Variants in CILK1 observed in about 807,000 individuals in gnomAD.
The protein encoded by CILK1 is ciliogenesis associated kinase 1, also known as serine/threonine-protein kinase ICK.
CILK1 carries 47 observed loss-of-function variants against 79.2 expected under a neutral mutation model. The ratio of observed to expected loss-of-function variants is 0.59; its 90% CI spans 0.47 to 0.76. The LOEUF is 0.76. CILK1 is among the 30% of genes least tolerant of loss of function. The probability of loss-of-function intolerance (pLI) is 0.00; values close to 1 mark genes in which losing one functional copy is unlikely to be tolerated. For synonymous variants in CILK1, 266 were observed against 275.9 expected, an observed-to-expected ratio of 0.96 and a Z score of 0.36; for missense variants, 660 against 769.5, an observed-to-expected ratio of 0.86 and a Z score of 1.68.
chr6:53,046,759 C>T (rs1328718510), intron 1 of CILK1, among the ~76,000 whole-genome samples: 3 of 152,156 alleles, frequency 2.0e-5, no homozygotes, highest in East Asian at 3.8e-4. Context: ...ATGGATAAGG[C>T]TAGGGTCTCT....
chr6:53,038,183 A>G (rs1766478834), intron 2 of CILK1, among the ~76,000 whole-genome samples, 190 bp from the exon 3 acceptor site: 1 of 152,186 alleles, frequency 6.6e-6, no homozygotes, highest in Non-Finnish European at 1.5e-5. Flanking sequence ...TAAGTCACAA[A>G]TTTTGCCAGT....
intron 5 of CILK1, among the ~76,000 whole-genome samples, chr6:53,029,962 G>A (rs138536514): frequency 4.1e-4 from 63 of 152,248 alleles, no homozygotes; most frequent in African/African-American, 1.5e-3. Context: ...CGTCCATCTG[G>A]TGGCTCTGTG....
intron 2 of CILK1, among the ~76,000 whole-genome samples, chr6:53,038,501 C>T (rs897256876): frequency 2.0e-5 from 3 of 152,156 alleles, no homozygotes; most frequent in Admixed American, 1.3e-4. Flanking sequence ...GAGTTCTAGA[C>T]CCTCTAGTGC....
At chr6:53,031,596 C>T (rs894069872) in intron 4 of CILK1, among the ~76,000 whole-genome samples, 3 of 152,182 alleles carry the variant, frequency 2.0e-5, no homozygotes, top group African/African-American at 7.2e-5. Flanking sequence ...ATACGGTTCA[C>T]CTTTGAAGTT....
At chr6:53,013,567 C>T in intron 9 of CILK1, 95 bp downstream of exon 9, 2 of 1,167,282 alleles carry the variant, frequency 1.7e-6, no homozygotes, top group Non-Finnish European at 2.6e-6. Flanking sequence ...CATAACTGGA[C>T]CCTGTATACT....
chr6:53,050,141 G>A (rs1422241498), intron 1 of CILK1, among the ~76,000 whole-genome samples: 1 of 152,086 alleles, frequency 6.6e-6, no homozygotes. Flanking sequence ...CAGAGTCAGT[G>A]CTTCAAAGAA....
chr6:53,008,533 T>C (rs1443649126), intron 12 of CILK1, among the ~76,000 whole-genome samples: 2 of 151,924 alleles, frequency 1.3e-5, no homozygotes, highest in Non-Finnish European at 2.9e-5. Flanking sequence ...TCAAGTGATA[T>C]CCTGCCTCAG....
intron 1 of CILK1, chr6:53,052,092 C>T (rs963456372): frequency 6.6e-6 from 1 of 152,120 alleles, no homozygotes. Context: ...GTGTTGTTCC[C>T]CTCCCTGTGT....
intron 1 of CILK1, among the ~76,000 whole-genome samples, chr6:53,060,082 A>T (rs1288219280): frequency 1.3e-5 from 2 of 152,274 alleles, no homozygotes; most frequent in Non-Finnish European, 2.9e-5. Flanking sequence ...CAATGTTTCA[A>T]GATTAACATA....
intron 2 of CILK1, among the ~76,000 whole-genome samples, chr6:53,040,405 A>C (rs1766622289): frequency 6.6e-6 from 1 of 152,268 alleles, no homozygotes; most frequent in African/African-American, 2.4e-5. Flanking sequence ...TTAGATGCCC[A>C]CATGGCAAGG....
intron 2 of CILK1, among the ~76,000 whole-genome samples, 195 bp downstream of exon 2, chr6:53,040,941 T>C (rs947667377): frequency 3.9e-5 from 6 of 152,196 alleles, no homozygotes; most frequent in Non-Finnish European, 5.9e-5. Context: ...ATGTGCAAAG[T>C]AGTAAATCTA....
chr6:53,056,050 G>A (rs373610482), intron 1 of CILK1, among the ~76,000 whole-genome samples: 1 of 152,128 alleles, frequency 6.6e-6, no homozygotes, highest in Non-Finnish European at 1.5e-5. Flanking sequence ...GTGACTAAGA[G>A]CATATCACAA....
intron 5 of CILK1, among the ~76,000 whole-genome samples, chr6:53,029,834 T>C (rs1267931019): frequency 6.6e-6 from 1 of 152,212 alleles, no homozygotes; most frequent in Non-Finnish European, 1.5e-5. Context: ...GGCAACAACA[T>C]CCTTGGACTG....
At chr6:53,039,490 G>C (rs750230234) in intron 2 of CILK1, among the ~76,000 whole-genome samples, 4 of 152,188 alleles carry the variant, frequency 2.6e-5, no homozygotes, top group Admixed American at 6.5e-5. Flanking sequence ...AGGAGCAGGA[G>C]ACTGAGAAAA....
At chr6:53,006,259 G>A in intron 13 of CILK1, 56 bp downstream of exon 13, 1 of 1,560,012 alleles carries the variant, frequency 6.4e-7, no homozygotes, top group Non-Finnish European at 8.8e-7. Context: ...GCACAAAGCA[G>A]TTGTTGAGTA....
At chr6:53,025,904 C>T (rs1045867494) in intron 5 of CILK1, among the ~76,000 whole-genome samples, 3 of 152,200 alleles carry the variant, frequency 2.0e-5, no homozygotes, top group African/African-American at 7.2e-5. Flanking sequence ...ATGTCATATA[C>T]AGGTGCTTTT....
intron 1 of CILK1, among the ~76,000 whole-genome samples, chr6:53,050,868 G>A (rs1767437132): frequency 6.6e-6 from 1 of 152,062 alleles, no homozygotes; most frequent in African/African-American, 2.4e-5. Context: ...ATATAAATAT[G>A]CATTTTTGAT....
intron 2 of CILK1, among the ~76,000 whole-genome samples, chr6:53,038,727 C>T (rs889714458): frequency 6.6e-6 from 1 of 152,186 alleles, no homozygotes; most frequent in African/African-American, 2.4e-5. Context: ...TTATATACTG[C>T]CTGTGGCTGC....
At chr6:53,046,721 A>C (rs1454569673) in intron 1 of CILK1, among the ~76,000 whole-genome samples, 2 of 152,208 alleles carry the variant, frequency 1.3e-5, no homozygotes, top group African/African-American at 2.4e-5. Context: ...TAAGATGCTA[A>C]GCATTATGCA....
Sources: allele counts gnomAD v4.1 joint callset (sites outside exome capture counted in the v4.1 genomes callset), GRCh38; gene constraint gnomAD v4.1.1; transcripts MANE v1.5; gene names NCBI Gene and HGNC (gene_info 2026-07-23, HGNC 2026-07-21).